The following GTF2A1L variants were observed in gnomAD, a reference collection of about 807,000 sequenced individuals.
The protein encoded by GTF2A1L is general transcription factor IIA subunit 1 like.
GTF2A1L carries 48 observed loss-of-function variants against 49.7 expected under a neutral mutation model. That is an observed-to-expected ratio of 0.97 (90% CI 0.77 to 1.23). The LOEUF (loss-of-function observed/expected upper bound fraction) is 1.23, where lower values mean the gene tolerates loss of function less well. GTF2A1L is among the 50% of genes most tolerant of loss of function. The pLI, the probability that GTF2A1L is intolerant of heterozygous loss-of-function variation, is 0.00. For missense variants in GTF2A1L, 736 were observed against 564.8 expected (o/e 1.30, Z -3.07); for synonymous variants, 246 against 193.5 (o/e 1.27, Z -2.25).
intron 3 of GTF2A1L, among the ~76,000 whole-genome samples, chr2:48,624,090 G>C (rs777369810): frequency 9.6e-6 from 1 of 104,602 alleles, no homozygotes; most frequent in African/African-American, 2.9e-5. Context: ...TATGTTCTTC[G>C]TTTTTTATTT....
chr2:48,672,404 G>C (rs1679221449), intron 8 of GTF2A1L, among the ~76,000 whole-genome samples: 1 of 152,164 alleles, frequency 6.6e-6, no homozygotes, highest in Non-Finnish European at 1.5e-5. Flanking sequence ...AACTTGGTCT[G>C]AGGGACACTA....
At chr2:48,675,765 A>G (rs1438333664) in intron 8 of GTF2A1L, among the ~76,000 whole-genome samples, 1 of 151,874 alleles carries the variant, frequency 6.6e-6, no homozygotes, top group Non-Finnish European at 1.5e-5. Context: ...AGCTGACTTT[A>G]TCCCTTAGAT....
chr2:48,627,635 A>T lies in GTF2A1L; in HGVS notation c.247+6345A>T, dbSNP rs1007980733. 2.1e-5 allele frequency among the ~76,000 whole-genome samples: 3 copies of T among 144,366 alleles called. 1 individual carries two copies. Among genetic ancestry groups the T allele is most frequent in the African/African-American group, 7.4e-5 (3 of 40,578 alleles). The allele number at this position is 144,366 out of a possible 152,430, so 94.7% of individuals were successfully genotyped here. A position where few individuals can be genotyped will look rare whatever the true frequency, so the allele number is the denominator to read the frequency against. ...TTATGTTTAAAAAAATGTCTGCCAG[A>T]TACCCAGTTTGAATAACTATAGTTG... On this transcript the variant is annotated intron_variant, in intron 3 of 8. Coordinates refer to ENST00000403751, the MANE Select transcript of GTF2A1L (RefSeq NM_006872.5).
intron 3 of GTF2A1L, among the ~76,000 whole-genome samples, chr2:48,627,431 A>T (rs1676349559): frequency 6.9e-6 from 1 of 144,108 alleles, no homozygotes; most frequent in Non-Finnish European, 1.6e-5. Flanking sequence ...CCTGTCATAC[A>T]GTTGAAACGT....
chr2:48,621,299 C>G lies in GTF2A1L; in HGVS notation c.247+9C>G. 4 of 1,613,944 alleles carry G rather than the reference C, an allele frequency of 2.5e-6. No homozygotes were observed. The highest frequency in any genetic ancestry group is 1.7e-5 in the Admixed American group (1 of 59,980). On this transcript the variant is annotated intron_variant, in intron 3 of 8. Coordinates refer to ENST00000403751, the MANE Select transcript of GTF2A1L (RefSeq NM_006872.5). ...ATTGCAATCGTCAACAGGTTGGATA[C>G]CATTAGTAAATGAGTACTGTTAGTA... is the stretch of plus-strand genomic sequence containing the variant.
chr2:48,618,162 T>G, intron 1 of GTF2A1L: 1 of 473,858 alleles, frequency 2.1e-6, no homozygotes, highest in Non-Finnish European at 3.7e-6. Flanking sequence ...CTAGTTGGGG[T>G]GTTTAGAGGT....
At chr2:48,676,482 C>G (rs971981664) in intron 8 of GTF2A1L, among the ~76,000 whole-genome samples, 3 of 151,614 alleles carry the variant, frequency 2.0e-5, no homozygotes, top group Non-Finnish European at 3.0e-5. Context: ...TTTTAACTTT[C>G]CATATGTTAA....
At chr2:48,645,270 T>C (rs904928573) in intron 5 of GTF2A1L, among the ~76,000 whole-genome samples, 153 bp downstream of exon 5, 1 of 152,216 alleles carries the variant, frequency 6.6e-6, no homozygotes, top group Non-Finnish European at 1.5e-5. Context: ...GTGGTTTTGA[T>C]TGTTATAGAG....
intron 7 of GTF2A1L, among the ~76,000 whole-genome samples, chr2:48,671,142 G>A (rs1679142899): frequency 6.6e-6 from 1 of 151,928 alleles, no homozygotes; most frequent in Non-Finnish European, 1.5e-5. Context: ...TTTAAACCCA[G>A]GCTATTTGAC....
intron 6 of GTF2A1L, among the ~76,000 whole-genome samples, chr2:48,667,258 C>A (rs796652968): frequency 6.6e-6 from 1 of 152,054 alleles, no homozygotes; most frequent in African/African-American, 2.4e-5. Context: ...CATGCCCAGC[C>A]TCATTAATTT....
chr2:48,672,195 G>A (rs988766429), intron 8 of GTF2A1L, among the ~76,000 whole-genome samples: 3 of 152,196 alleles, frequency 2.0e-5, no homozygotes, highest in Non-Finnish European at 4.4e-5. Flanking sequence ...GGTAAATATG[G>A]AGAATAAGCA....
At chr2:48,644,213 T>G (rs1211541890) in intron 4 of GTF2A1L, among the ~76,000 whole-genome samples, 1 of 152,046 alleles carries the variant, frequency 6.6e-6, no homozygotes, top group Non-Finnish European at 1.5e-5. Flanking sequence ...AAATAAAGAG[T>G]TCTGTAGTCT....
chr2:48,622,352 G>C (rs1375798442), intron 3 of GTF2A1L, among the ~76,000 whole-genome samples: 1 of 152,140 alleles, frequency 6.6e-6, no homozygotes, highest in Admixed American at 6.5e-5. Flanking sequence ...AGTTTTAATT[G>C]TTGACACATT....
chr2:48,632,899 G>A, intron 3 of GTF2A1L: 1 of 251,548 alleles, frequency 4.0e-6, no homozygotes, highest in South Asian at 5.1e-5. Flanking sequence ...TCATATACAG[G>A]GTCACACCAT....
intron 8 of GTF2A1L, among the ~76,000 whole-genome samples, chr2:48,673,335 C>T (rs965322597): frequency 1.4e-5 from 2 of 148,010 alleles, no homozygotes; most frequent in African/African-American, 2.5e-5. Flanking sequence ...TTTATTTTAA[C>T]GTACATTTTA....
At chr2:48,654,778 T>A (rs1197912030) in intron 6 of GTF2A1L, among the ~76,000 whole-genome samples, 1 of 152,230 alleles carries the variant, frequency 6.6e-6, no homozygotes, top group African/African-American at 2.4e-5. Flanking sequence ...CTGTGCACAT[T>A]ATGTATCTAA....
chr2:48,663,301 TG>T (rs1290139600), intron 6 of GTF2A1L, among the ~76,000 whole-genome samples: 53 of 152,070 alleles, frequency 3.5e-4, no homozygotes, highest in African/African-American at 1.1e-3. Context: ...CTGGCCATGG[TG>T]GTGCCCTCTT....
At chr2:48,672,052 A>G (rs6742752) in intron 8 of GTF2A1L, among the ~76,000 whole-genome samples, 7,148 of 152,322 alleles carry the variant, frequency 0.047, 554 homozygotes, top group African/African-American at 0.16. Flanking sequence ...ATCAAATGCT[A>G]AGATATGCAG....
At chr2:48,660,665 CAG>C (rs1432533417) in intron 6 of GTF2A1L, among the ~76,000 whole-genome samples, 1 of 151,800 alleles carries the variant, frequency 6.6e-6, no homozygotes, top group East Asian at 1.9e-4. Flanking sequence ...ATTATTGAAA[CAG>C]AGTCTCTGTC....
Sources: gnomAD v4.1 joint callset for allele counts (sites outside exome capture counted in the v4.1 genomes callset) on GRCh38, gnomAD v4.1.1 for gene constraint, MANE v1.5 for transcripts, NCBI Gene and HGNC (gene_info 2026-07-23, HGNC 2026-07-21) for gene names.